The following SLC14A2 variants were observed in gnomAD, a reference collection of about 807,000 sequenced individuals.
SLC14A2 encodes the protein solute carrier family 14 member 2.
In SLC14A2, 91 loss-of-function variants were observed where a neutral mutation model predicts 104.6. The ratio of observed to expected loss-of-function variants is 0.87; its 90% CI spans 0.73 to 1.04. The LOEUF (loss-of-function observed/expected upper bound fraction) is 1.04, where lower values mean the gene tolerates loss of function less well. SLC14A2 is among the 50% of genes least tolerant of loss of function. The pLI, the probability that SLC14A2 is intolerant of heterozygous loss-of-function variation, is 0.00. For missense variants in SLC14A2, 1,189 were observed against 1,156.0 expected, an observed-to-expected ratio of 1.03 and a Z score of -0.41; for synonymous variants, 476 against 466.4, an observed-to-expected ratio of 1.02 and a Z score of -0.27.
intron 1 of SLC14A2, among the ~76,000 whole-genome samples, chr18:45,248,023 G>C (rs958385400): frequency 6.6e-6 from 1 of 152,124 alleles, no homozygotes; most frequent in Non-Finnish European, 1.5e-5. Context: ...GAATTTGTCA[G>C]TAGGGAGCAA....
intron 1 of SLC14A2, among the ~76,000 whole-genome samples, chr18:45,258,146 C>A (rs767116579): frequency 9.7e-6 from 1 of 102,834 alleles, no homozygotes; most frequent in African/African-American, 4.7e-5. Context: ...GCATAAATCA[C>A]TTTTCCAAGG....
Position 45,237,728 on chromosome 18 carries a change from G to A in SLC14A2, c.-125+24537G>A, listed in dbSNP as rs181044701. Among the ~76,000 whole-genome samples the A allele has an allele frequency of 3.2e-3, 484 of 152,282 alleles. 1 individual carries two copies. The highest frequency in any genetic ancestry group is 5.2e-3 in the Non-Finnish European group (353 of 68,026). On this transcript the variant is annotated intron_variant, in intron 1 of 20. Transcript: ENST00000586448. ...CTGAGAACTCTTGTCTTGCTTGTGG[G>A]AGTCTGGAGGCAAAAGATGATTCTC...
Position 45,532,866 on chromosome 18 carries a change from C to T in SLC14A2, c.-35+49544C>T, listed in dbSNP as rs148636208. Among the ~76,000 whole-genome samples the T allele has an allele frequency of 2.7e-3, 405 of 152,180 alleles. 1 individual carries two copies. Among genetic ancestry groups the T allele is most frequent in the African/African-American group, 9.2e-3 (380 of 41,478 alleles). ...AGATAGCTCATATTATTTTGAGATA[C>T]GTACCATCAATACCTAATTTATTGA... On this transcript the variant is annotated intron_variant, in intron 2 of 20. Transcript: ENST00000586448.
At position 45,608,082 on chromosome 18, in the gene SLC14A2, C is replaced by T. The variant is rs576844306; in HGVS notation, c.-34-16549C>T. On this transcript the variant is annotated intron_variant, in intron 2 of 20. Coordinates refer to the SLC14A2 transcript ENST00000586448. ...TTACTTTCTGGTTTCCGTTAGAGTA[C>T]GATGAATTTTTTCTTGTTCACTGTT... Among the ~76,000 whole-genome samples, 16 of 152,320 alleles carry T rather than the reference C, an allele frequency of 1.1e-4. 1 individual carries two copies. In the South Asian group the frequency reaches 2.1e-3, roughly 20 times the overall value.
intron 2 of SLC14A2, among the ~76,000 whole-genome samples, chr18:45,547,182 A>T (rs1419326057): frequency 6.6e-6 from 1 of 152,196 alleles, no homozygotes; most frequent in East Asian, 1.9e-4. Flanking sequence ...AGCTAAACAA[A>T]AGGAAAAAAA....
intron 1 of SLC14A2, among the ~76,000 whole-genome samples, chr18:45,281,041 C>G (rs1484682143): frequency 6.6e-6 from 1 of 152,148 alleles, no homozygotes; most frequent in African/African-American, 2.4e-5. Flanking sequence ...TTGGCGCTGT[C>G]CCTTGAACAT....
chr18:45,539,948 A>C (rs2043860082), intron 2 of SLC14A2, among the ~76,000 whole-genome samples: 1 of 152,180 alleles, frequency 6.6e-6, no homozygotes, highest in African/African-American at 2.4e-5. Context: ...ATGTGTTTAA[A>C]ATACTGTATG....
In SLC14A2 at chr18:45,566,642, C is replaced by T. The variant is rs1186913917; in HGVS notation, c.-34-57989C>T. The stretch of plus-strand genomic sequence containing the variant: ...ACTGATAATTAAGGCTTCAGCCAGC[C>T]AGTTGCTGATTTCTGATTCCCATTT... On this transcript the variant is annotated intron_variant, in intron 2 of 20. Coordinates refer to the SLC14A2 transcript ENST00000586448. 2.6e-5 allele frequency among the ~76,000 whole-genome samples: 4 copies of T among 152,276 alleles called. No homozygotes were observed. In the East Asian group the frequency reaches 7.7e-4, roughly 29 times the overall value.
intron 1 of SLC14A2, among the ~76,000 whole-genome samples, chr18:45,353,972 T>C (rs2144312144): frequency 6.6e-6 from 1 of 152,304 alleles, no homozygotes; most frequent in African/African-American, 2.4e-5. Flanking sequence ...AAAGGCACGA[T>C]GGTGGAGATG....
intron 1 of SLC14A2, among the ~76,000 whole-genome samples, chr18:45,292,876 C>T (rs1015969704): frequency 2.6e-5 from 4 of 152,134 alleles, no homozygotes; most frequent in Non-Finnish European, 5.9e-5. Flanking sequence ...AAGTGTCACC[C>T]TCTTTCATGT....
At chr18:45,409,824 C>T (rs1276270192) in intron 1 of SLC14A2, among the ~76,000 whole-genome samples, 2 of 152,166 alleles carry the variant, frequency 1.3e-5, no homozygotes, top group Non-Finnish European at 2.9e-5. Context: ...GATAATTTTT[C>T]CACAGACCGG....
chr18:45,647,229 C>T (rs2045640066), intron 10 of SLC14A2: 1 of 152,216 alleles, frequency 6.6e-6, no homozygotes, highest in African/African-American at 2.4e-5. Context: ...TTTTCTGCTT[C>T]ATCTTGAGTC....
chr18:45,263,739 G>A (rs375762160), intron 1 of SLC14A2, among the ~76,000 whole-genome samples: 12 of 152,140 alleles, frequency 7.9e-5, no homozygotes, highest in African/African-American at 2.7e-4. Context: ...GTCATTGAGA[G>A]CTCCTTCAGG....
At chr18:45,267,567 AATGTCTACT>A (rs2084605144) in intron 1 of SLC14A2, among the ~76,000 whole-genome samples, 1 of 152,216 alleles carries the variant, frequency 6.6e-6, no homozygotes, top group Non-Finnish European at 1.5e-5. Flanking sequence ...ATCATTAATG[AATGTCTACT>A]ATGTGCCAGT....
chr18:45,617,540 G>A (rs1250672747), intron 1 of SLC14A2, among the ~76,000 whole-genome samples: 6 of 151,922 alleles, frequency 3.9e-5, no homozygotes, highest in Non-Finnish European at 4.4e-5. Context: ...AATAAAAGCC[G>A]GCACTCAGCC....
chr18:45,511,248 A>G (rs757067131), intron 2 of SLC14A2, among the ~76,000 whole-genome samples: 5 of 152,212 alleles, frequency 3.3e-5, no homozygotes, highest in Non-Finnish European at 7.3e-5. Flanking sequence ...ACTCTGTGAG[A>G]AAATTTCCTC....
intron 2 of SLC14A2, among the ~76,000 whole-genome samples, chr18:45,531,843 G>T (rs896423025): frequency 2.6e-5 from 4 of 152,036 alleles, no homozygotes; most frequent in African/African-American, 9.7e-5. Flanking sequence ...GGTCTAACAT[G>T]TAAGTCTTTA....
intron 10 of SLC14A2, among the ~76,000 whole-genome samples, chr18:45,662,511 T>A (rs2045951645): frequency 6.6e-6 from 1 of 152,042 alleles, no homozygotes; most frequent in Admixed American, 6.6e-5. Flanking sequence ...AGTTCTGGGG[T>A]AGGGCCTGAG....
the SLC14A2 span, among the ~76,000 whole-genome samples, chr18:45,202,661 A>G: frequency 3.3e-4 from 51 of 152,322 alleles, no homozygotes; most frequent in South Asian, 0.01. Context: ...ACTGGACTAC[A>G]GCCTGGTTCT....
Sources: allele counts gnomAD v4.1 joint callset (sites outside exome capture counted in the v4.1 genomes callset), GRCh38; gene constraint gnomAD v4.1.1; transcripts MANE v1.5; gene names NCBI Gene and HGNC (gene_info 2026-07-23, HGNC 2026-07-21).